The following CNTNAP3B variants were observed in gnomAD, a reference collection of about 807,000 sequenced individuals.
CNTNAP3B encodes contactin-associated protein-like 3B.
Under a neutral mutation model 108.9 loss-of-function variants are expected in CNTNAP3B, and 25 were observed. The observed-to-expected ratio is 0.23, with a 90% CI of 0.17 to 0.32. CNTNAP3B has a LOEUF of 0.32. Among genes scored for constraint, CNTNAP3B ranks in the 10% least tolerant of loss-of-function variants. The probability of loss-of-function intolerance (pLI) is 1.00; values close to 1 mark genes in which losing one functional copy is unlikely to be tolerated. For missense variants in CNTNAP3B, 252 were observed against 1,210.4 expected (o/e 0.21, Z 11.75); for synonymous variants, 103 against 473.4 (o/e 0.22, Z 10.16).
intron 18 of CNTNAP3B, among the ~76,000 whole-genome samples, chr9:41,917,571 G>T (rs1054637411): frequency 7.0e-6 from 1 of 142,018 alleles, no homozygotes; most frequent in Non-Finnish European, 1.5e-5. Context: ...TAGGGCACAG[G>T]GTGGGAAAGG....
chr9:41,940,754 G>A (rs1352973036), intron 13 of CNTNAP3B, among the ~76,000 whole-genome samples: 1 of 152,058 alleles, frequency 6.6e-6, no homozygotes, highest in African/African-American at 2.4e-5. Flanking sequence ...GGCGGAGCCT[G>A]CAGTGAGCCG....
intron 9 of CNTNAP3B, among the ~76,000 whole-genome samples, chr9:41,982,310 T>C (rs1343505455): frequency 1.3e-5 from 1 of 75,828 alleles, no homozygotes; most frequent in Non-Finnish European, 2.4e-5. Context: ...TATTCACAAA[T>C]TATGCATCTG....
At chr9:42,019,441 G>A (rs1349839603) in intron 3 of CNTNAP3B, among the ~76,000 whole-genome samples, 8 of 82,190 alleles carry the variant, frequency 9.7e-5, no homozygotes, top group Non-Finnish European at 1.7e-4. Flanking sequence ...CTTCAGTTTA[G>A]CTGGAAAGCA....
At position 41,934,513 on chromosome 9, in the gene CNTNAP3B, G is replaced by A. The variant is rs1188894652; in HGVS notation, c.2237+3731C>T. Among the ~76,000 whole-genome samples the A allele has an allele frequency of 1.0e-2, 1,511 of 151,806 alleles. 6 individuals are homozygous for A. The highest frequency in any genetic ancestry group is 0.024 in the African/African-American group (978 of 41,304). On this transcript the variant is annotated intron_variant, in intron 14 of 23. Coordinates refer to ENST00000377561, the MANE Select transcript of CNTNAP3B (RefSeq NM_001201380.3). Reference sequence around the variant, plus strand: ...TGGGATTACAGGCGTGAGCCACGGCGCCCTGCCACTTCTTTATATATTTTA... The same window carrying A: ...TGGGATTACAGGCGTGAGCCACGGCACCCTGCCACTTCTTTATATATTTTA...
At chr9:41,930,588 A>G (rs1025418607) in intron 14 of CNTNAP3B, among the ~76,000 whole-genome samples, 3 of 152,188 alleles carry the variant, frequency 2.0e-5, no homozygotes, top group South Asian at 4.1e-4. Context: ...CTCAGCGCTC[A>G]CCTTTTGTCG....
chr9:42,112,591 A>T (rs1232409948), intron 1 of CNTNAP3B, among the ~76,000 whole-genome samples: 2 of 137,590 alleles, frequency 1.5e-5, no homozygotes, highest in East Asian at 4.4e-4. Context: ...ACACATAGAA[A>T]CAGGTTTAAA....
chr9:42,110,051 C>G lies in CNTNAP3B; in HGVS notation c.86-5312G>C, dbSNP rs576553308. Among the ~76,000 whole-genome samples the G allele has an allele frequency of 7.3e-4, 101 of 137,534 alleles. 18 individuals are homozygous for G. The highest frequency in any genetic ancestry group is 2.9e-3 in the African/African-American group (100 of 34,446). 90.2% of individuals were successfully genotyped at this position (137,534 alleles called of 152,430 possible). A position where few individuals can be genotyped will look rare whatever the true frequency, so the allele number is the denominator to read the frequency against. On this transcript the variant is annotated intron_variant, in intron 1 of 23. Transcript: ENST00000377561. ...CCATCTTGATTTTGGACTAGGGATA[C>G]TGATGCGGAACTTCTGGTCTCCAGA...
intron 3 of CNTNAP3B, among the ~76,000 whole-genome samples, chr9:42,070,301 CGAA>C (rs1430848952): frequency 6.7e-6 from 1 of 150,238 alleles, no homozygotes; most frequent in Non-Finnish European, 1.5e-5. Context: ...AAGCTGTACA[CGAA>C]GATGGAGAGA....
At chr9:41,964,722 T>A in intron 10 of CNTNAP3B, 78 bp from the exon 11 acceptor site, 1 of 1,538,504 alleles carries the variant, frequency 6.5e-7, no homozygotes. Context: ...AACAGGTTAA[T>A]GTGAAAGGCC....
At chr9:41,968,998 A>C (rs1428415888) in intron 10 of CNTNAP3B, among the ~76,000 whole-genome samples, 3 of 152,280 alleles carry the variant, frequency 2.0e-5, no homozygotes, top group Admixed American at 1.3e-4. Flanking sequence ...GGGTTTCACC[A>C]TGTTAGCCAG....
At chr9:42,120,382 A>G (rs1828433385) in intron 1 of CNTNAP3B, among the ~76,000 whole-genome samples, 1 of 139,640 alleles carries the variant, frequency 7.2e-6, no homozygotes, top group Non-Finnish European at 1.5e-5. Flanking sequence ...GTGGGACTGT[A>G]AACTAGTTCA....
chr9:41,925,082 C>T (rs1356994423), intron 15 of CNTNAP3B, among the ~76,000 whole-genome samples: 5 of 152,028 alleles, frequency 3.3e-5, no homozygotes, highest in Non-Finnish European at 7.3e-5. Flanking sequence ...TGTCCAGTTT[C>T]TCCAACATGA....
At chr9:42,087,700 CT>C (rs1056412301) in intron 2 of CNTNAP3B, among the ~76,000 whole-genome samples, 1 of 137,992 alleles carries the variant, frequency 7.2e-6, no homozygotes, top group African/African-American at 2.8e-5. Context: ...ACTTATATTT[CT>C]CTAATGGTTA....
chr9:42,125,005 C>T (rs1229675149), intron 1 of CNTNAP3B, among the ~76,000 whole-genome samples: 3 of 131,810 alleles, frequency 2.3e-5, no homozygotes, highest in East Asian at 4.6e-4. Context: ...TTTAAAGTAA[C>T]CATTTGATTT....
At chr9:41,979,115 G>C (rs2118299419) in intron 9 of CNTNAP3B, among the ~76,000 whole-genome samples, 1 of 134,276 alleles carries the variant, frequency 7.4e-6, no homozygotes, top group South Asian at 2.5e-4. Flanking sequence ...CTGAGGCGTT[G>C]TTCCTGCATG....
intron 12 of CNTNAP3B, among the ~76,000 whole-genome samples, chr9:41,958,743 CA>C (rs1292532352): frequency 6.6e-6 from 1 of 152,018 alleles, no homozygotes; most frequent in Non-Finnish European, 1.5e-5. Context: ...AACAAAACAC[CA>C]GTAGCTTAGG....
intron 13 of CNTNAP3B, among the ~76,000 whole-genome samples, chr9:41,944,704 A>G (rs1227213221): frequency 1.3e-5 from 2 of 152,044 alleles, no homozygotes; most frequent in African/African-American, 4.8e-5. Flanking sequence ...TAATCACTTT[A>G]AATGTAAACA....
intron 18 of CNTNAP3B, among the ~76,000 whole-genome samples, chr9:41,915,728 C>CA (rs1409796655): frequency 7.0e-6 from 1 of 143,306 alleles, no homozygotes; most frequent in Non-Finnish European, 1.5e-5. Context: ...TTTTCAGCAA[C>CA]AATTAAGATA....
At chr9:42,120,141 C>A (rs544526296) in intron 1 of CNTNAP3B, among the ~76,000 whole-genome samples, 14 of 149,298 alleles carry the variant, frequency 9.4e-5, no homozygotes, top group African/African-American at 3.0e-4. Flanking sequence ...GAAAAAACAA[C>A]AATCCCATCA....
Sources: allele counts gnomAD v4.1 joint callset (sites outside exome capture counted in the v4.1 genomes callset), GRCh38; gene constraint gnomAD v4.1.1; transcripts MANE v1.5; gene names NCBI Gene and HGNC (gene_info 2026-07-23, HGNC 2026-07-21).